KMT2C: variants seen among roughly 807,000 people sequenced by gnomAD.
KMT2C encodes histone-lysine N-methyltransferase 2C.
In KMT2C, 88 loss-of-function variants were observed where a neutral mutation model predicts 507.9. That is an observed-to-expected ratio of 0.17 (90% CI 0.15 to 0.21). KMT2C has a LOEUF of 0.21. Among genes scored for constraint, KMT2C ranks in the 10% least tolerant of loss-of-function variants. KMT2C has a pLI of 1.00. For missense variants in KMT2C, 4,954 were observed against 5,957.8 expected (o/e 0.83, Z 5.55); for synonymous variants, 2,049 against 2,080.8 (o/e 0.98, Z 0.42).
At chr7:152,201,639 A>G (rs1349859163) in intron 26 of KMT2C, among the ~76,000 whole-genome samples, 1 of 150,424 alleles carries the variant, frequency 6.6e-6, no homozygotes, top group Non-Finnish European at 1.5e-5. Flanking sequence ...AAAAAAAAAA[A>G]AAAAGGTAAG....
chr7:152,395,309 G>A (rs2097530748), intron 1 of KMT2C, among the ~76,000 whole-genome samples: 1 of 151,062 alleles, frequency 6.6e-6, no homozygotes, highest in Admixed American at 6.6e-5. Flanking sequence ...CTCGACTCCT[G>A]AGTAGCTGGG....
chr7:152,307,248 A>AGGAAGGAAGGAAGGAC lies in KMT2C; in HGVS notation c.849+2717_849+2718insGTCCTTCCTTCCTTCC, dbSNP rs1253285455. On this transcript the variant is annotated intron_variant, in intron 6 of 58. Coordinates refer to ENST00000262189, the MANE Select transcript of KMT2C (RefSeq NM_170606.3). The stretch of plus-strand genomic sequence containing the variant: ...AAGGAAGGAAGGAAGGAAGGAAGGA[A>AGGAAGGAAGGAAGGAC]GGACGGTAGGAAGGAAGGAAGGAAG... Among the ~76,000 whole-genome samples the AGGAAGGAAGGAAGGAC allele has an allele frequency of 1.4e-3, 167 of 117,030 alleles. 3 individuals carry two copies. Among genetic ancestry groups the AGGAAGGAAGGAAGGAC allele is most frequent in the Middle Eastern group, 4.3e-3 (1 of 234 alleles). 76.8% of individuals were successfully genotyped at this position (117,030 alleles called of 152,430 possible).
At chr7:152,294,481 T>A (rs976609334) in intron 6 of KMT2C, among the ~76,000 whole-genome samples, 1 of 152,126 alleles carries the variant, frequency 6.6e-6, no homozygotes, top group Non-Finnish European at 1.5e-5. Flanking sequence ...ATAATAATTA[T>A]GACCAGGTAT....
intron 37 of KMT2C, 31 bp from the exon 38 acceptor site, chr7:152,178,041 A>AAAAAAAAAAAGC (rs759074589): frequency 1.7e-5 from 22 of 1,276,138 alleles, no homozygotes; most frequent in African/African-American, 3.1e-5. Context: ...AAAAAAAAAA[A>AAAAAAAAAAAGC]AGCAAATAGG....
chr7:152,163,378 C>A lies in KMT2C; in HGVS notation c.10199G>T (p.Arg3400Leu). The A allele has an allele frequency of 6.2e-7, 1 of 1,614,200 alleles. No homozygotes were observed. Among genetic ancestry groups the A allele is most frequent in the Non-Finnish European group, 8.5e-7 (1 of 1,180,040 alleles). ...TTGCTGTTCTCGTAAACGTTCCTTACGTTCCCGTTCTTGAAAACTTTCACT... is the reference window on the plus strand; with the variant it reads ...TTGCTGTTCTCGTAAACGTTCCTTAAGTTCCCGTTCTTGAAAACTTTCACT... Reference protein sequence around the residue: ...PFSESFQERERKERLREQQER... With the variant: ...PFSESFQERELKERLREQQER... Residue 3400 changes from arginine (R) to leucine (L), a missense_variant, in exon 43 of 59, where the codon CGT (arginine) becomes CTT (leucine). Arg to Leu is a moderately radical substitution (Grantham distance 102). This residue lies in a region of KMT2C where 801 missense variants were observed against 751.2 expected (regional missense o/e 1.07). Coordinates refer to ENST00000262189, the MANE Select transcript of KMT2C (RefSeq NM_170606.3).
At chr7:152,139,907 A>C in intron 55 of KMT2C, 116 bp from the exon 56 acceptor site, 1 of 709,116 alleles carries the variant, frequency 1.4e-6, no homozygotes, top group Non-Finnish European at 2.5e-6. Context: ...GTTTCACTTG[A>C]ACTCAAATCA....
chr7:152,424,101 C>G (rs1240636115), intron 1 of KMT2C, among the ~76,000 whole-genome samples: 1 of 152,092 alleles, frequency 6.6e-6, no homozygotes, highest in African/African-American at 2.4e-5. Flanking sequence ...TTTTATCACT[C>G]GTATCCCAAA....
chr7:152,338,950 T>C (rs565292323), intron 2 of KMT2C, among the ~76,000 whole-genome samples: 1 of 152,348 alleles, frequency 6.6e-6, no homozygotes, highest in Admixed American at 6.5e-5. Flanking sequence ...AGAACATTTA[T>C]CTCACAGCCA....
intron 42 of KMT2C, among the ~76,000 whole-genome samples, chr7:152,166,123 AT>A (rs1190668716): frequency 2.4e-3 from 324 of 135,876 alleles, no homozygotes; most frequent in Admixed American, 4.0e-3. Flanking sequence ...GAGCACTCAC[AT>A]TTTTTTTTTT....
intron 6 of KMT2C, among the ~76,000 whole-genome samples, chr7:152,300,539 A>G (rs1313012388): frequency 6.6e-6 from 1 of 152,228 alleles, no homozygotes; most frequent in Non-Finnish European, 1.5e-5. Flanking sequence ...GGCACAGCAC[A>G]TAAGGAAGCT....
chr7:152,210,141 T>A lies in KMT2C; in HGVS notation c.3713-2713A>T, dbSNP rs574152418. 7.2e-5 allele frequency among the ~76,000 whole-genome samples: 11 copies of A among 152,246 alleles called. No homozygotes were observed. The East Asian group carries it at 1.9e-3, about 27-fold the overall frequency. ...CCAGACCCCACGTTTCCCCACTGAA[T>A]TCTCAGAAAGCTAGCAGCCAGATCT... On this transcript the variant is annotated intron_variant, in intron 23 of 58. Coordinates refer to ENST00000262189, the MANE Select transcript of KMT2C (RefSeq NM_170606.3).
At chr7:152,207,971 C>T (rs1387394280) in intron 23 of KMT2C, among the ~76,000 whole-genome samples, 1 of 152,158 alleles carries the variant, frequency 6.6e-6, no homozygotes, top group Non-Finnish European at 1.5e-5. Flanking sequence ...CTTCTCAATA[C>T]CTCTGAAATG....
chr7:152,172,579 C>T (rs765098747), intron 39 of KMT2C, among the ~76,000 whole-genome samples: 9 of 152,094 alleles, frequency 5.9e-5, no homozygotes, highest in Non-Finnish European at 7.3e-5. Flanking sequence ...GCCTGTGATC[C>T]GAGCTACTCC....
intron 1 of KMT2C, among the ~76,000 whole-genome samples, chr7:152,408,326 TG>T (rs2097642883): frequency 2.6e-5 from 4 of 152,228 alleles, no homozygotes; most frequent in Admixed American, 6.5e-5. Context: ...AGGTGGATTT[TG>T]TACTCTGAAT....
chr7:152,208,290 C>T (rs1457290972), intron 23 of KMT2C, among the ~76,000 whole-genome samples: 1 of 152,218 alleles, frequency 6.6e-6, no homozygotes, highest in Non-Finnish European at 1.5e-5. Flanking sequence ...CAAGCTCTTT[C>T]TTCCACTATC....
chr7:152,164,782 CAATT>C (rs2092655908), intron 42 of KMT2C, among the ~76,000 whole-genome samples: 1 of 152,174 alleles, frequency 6.6e-6, no homozygotes, highest in Non-Finnish European at 1.5e-5. Flanking sequence ...TGGCTAATAT[CAATT>C]AATTAATTCA....
intron 24 of KMT2C, among the ~76,000 whole-genome samples, chr7:152,206,985 G>T (rs182117680): frequency 1.3e-5 from 2 of 152,032 alleles, no homozygotes; most frequent in African/African-American, 4.8e-5. Context: ...ACATCCAGAG[G>T]AACTATATAA....
intron 3 of KMT2C, among the ~76,000 whole-genome samples, chr7:152,316,575 T>C (rs1315665276): frequency 1.3e-5 from 2 of 152,138 alleles, no homozygotes; most frequent in African/African-American, 2.4e-5. Context: ...AAATCCTCCT[T>C]CTTGGGCATT....
chr7:152,428,769 T>TC (rs2097844186), intron 1 of KMT2C, among the ~76,000 whole-genome samples: 1 of 152,134 alleles, frequency 6.6e-6, no homozygotes, highest in Admixed American at 6.6e-5. Context: ...CTCCTAGACT[T>TC]CCCCAAGGCT....
Sources: gnomAD v4.1 joint callset for allele counts (sites outside exome capture counted in the v4.1 genomes callset) on GRCh38, gnomAD v4.1.1 for gene constraint, gnomAD v4.1.1 regional missense constraint, MANE v1.5 for transcripts, NCBI Gene and HGNC (gene_info 2026-07-23, HGNC 2026-07-21) for gene names.